The following DRC8 variants were observed in gnomAD, a reference collection of about 807,000 sequenced individuals.
DRC8 encodes the protein dynein regulatory complex subunit 8.
the DRC8 span, among the ~76,000 whole-genome samples, chr1:245,105,232 T>C: frequency 4.6e-5 from 7 of 152,152 alleles, no homozygotes. Context: ...TTTTTGTCAC[T>C]CCTCATACTC....
the DRC8 span, among the ~76,000 whole-genome samples, chr1:245,005,900 C>T: frequency 6.6e-6 from 1 of 152,064 alleles, no homozygotes; most frequent in African/African-American, 2.4e-5. Context: ...GAGCAATATT[C>T]CAGGCAGGAG....
At chr1:245,031,301 G>A in the DRC8 span, among the ~76,000 whole-genome samples, 2 of 152,036 alleles carry the variant, frequency 1.3e-5, no homozygotes, top group Admixed American at 6.5e-5. Context: ...TAGCTATACT[G>A]TAATTCCCAG....
At chr1:244,979,684 C>T in the DRC8 span, among the ~76,000 whole-genome samples, 587 of 151,768 alleles carry the variant, frequency 3.9e-3, 4 homozygotes, top group African/African-American at 0.014. Flanking sequence ...TCATGTGATC[C>T]GCCCACCTTG....
At chr1:245,071,498 G>A in the DRC8 span, among the ~76,000 whole-genome samples, 2 of 152,204 alleles carry the variant, frequency 1.3e-5, no homozygotes, top group Non-Finnish European at 2.9e-5. Context: ...AATTGTGTCC[G>A]TGTCCATGCT....
chr1:245,035,934 C>G, the DRC8 span, among the ~76,000 whole-genome samples: 43,017 of 151,338 alleles, frequency 0.28, 6,363 homozygotes, highest in Middle Eastern at 0.35. Context: ...ATCGTAAGAC[C>G]CTTAGAAGAA....
the DRC8 span, among the ~76,000 whole-genome samples, chr1:245,019,442 T>C: frequency 6.6e-6 from 1 of 152,178 alleles, no homozygotes; most frequent in South Asian, 2.1e-4. Context: ...GGCTAGATTA[T>C]AGTGGCTTGA....
chr1:244,972,838 A>G, the DRC8 span, among the ~76,000 whole-genome samples: 1 of 151,884 alleles, frequency 6.6e-6, no homozygotes, highest in Non-Finnish European at 1.5e-5. Flanking sequence ...AAACAAAAAC[A>G]AAAAACAAAG....
At chr1:244,982,679 G>C in the DRC8 span, among the ~76,000 whole-genome samples, 1 of 152,084 alleles carries the variant, frequency 6.6e-6, no homozygotes, top group African/African-American at 2.4e-5. Context: ...TGCAAAGAGA[G>C]AAAAGAATGA....
the DRC8 span, among the ~76,000 whole-genome samples, chr1:244,998,913 A>G: frequency 6.6e-6 from 1 of 152,156 alleles, no homozygotes; most frequent in Non-Finnish European, 1.5e-5. Flanking sequence ...AGTATAGGTC[A>G]CATGCCTATT....
chr1:244,996,695 C>T, the DRC8 span, among the ~76,000 whole-genome samples: 2 of 152,152 alleles, frequency 1.3e-5, no homozygotes, highest in African/African-American at 4.8e-5. Context: ...GGAGCCTAGG[C>T]CTTAGGTAAA....
At chr1:245,116,433 G>T in the DRC8 span, among the ~76,000 whole-genome samples, 1 of 152,070 alleles carries the variant, frequency 6.6e-6, no homozygotes, top group African/African-American at 2.4e-5. Flanking sequence ...GGCTTGAGGA[G>T]TCTAGAAATT....
the DRC8 span, among the ~76,000 whole-genome samples, chr1:245,084,058 T>TCCCCC: frequency 3.3e-5 from 1 of 30,072 alleles, no homozygotes; most frequent in African/African-American, 8.6e-5. Context: ...AATATAAAAA[T>TCCCCC]TCCGCCCCCC....
At chr1:245,088,463 G>A in the DRC8 span, among the ~76,000 whole-genome samples, 3 of 152,110 alleles carry the variant, frequency 2.0e-5, no homozygotes, top group East Asian at 1.9e-4. The surrounding 1 kb of genome is among the most constrained non-coding windows in gnomAD (Gnocchi z 4.6). Context: ...CAAAAGAGGC[G>A]GCTGCTACCC....
chr1:244,998,741 A>G, the DRC8 span, among the ~76,000 whole-genome samples: 2 of 152,196 alleles, frequency 1.3e-5, no homozygotes, highest in Non-Finnish European at 2.9e-5. Context: ...CATATACCCC[A>G]GCTAATGCCA....
At chr1:245,017,111 A>T in the DRC8 span, 1 of 868,832 alleles carries the variant, frequency 1.2e-6, no homozygotes, top group Non-Finnish European at 1.7e-6. Flanking sequence ...AAACATGCTA[A>T]ATGATACATA....
the DRC8 span, among the ~76,000 whole-genome samples, chr1:245,053,592 A>G: frequency 6.6e-6 from 1 of 152,242 alleles, no homozygotes; most frequent in Non-Finnish European, 1.5e-5. Context: ...TTCTTGAGGA[A>G]GCCGTGGTAT....
the DRC8 span, among the ~76,000 whole-genome samples, chr1:245,118,795 A>AAAAAGAAAAAAGAAAAG: frequency 7.2e-6 from 1 of 138,484 alleles, no homozygotes; most frequent in Admixed American, 7.9e-5. Context: ...GCCATCTCAA[A>AAAAAGAAAAAAGAAAAG]AAAAGAAAAG....
the DRC8 span, among the ~76,000 whole-genome samples, chr1:245,102,504 C>T: frequency 0.026 from 3,888 of 152,278 alleles, 172 homozygotes; most frequent in African/African-American, 0.083. Flanking sequence ...CATGCACTAG[C>T]ACTCCTGGCT....
the DRC8 span, among the ~76,000 whole-genome samples, chr1:245,054,001 C>T: frequency 6.6e-6 from 1 of 152,098 alleles, no homozygotes; most frequent in Non-Finnish European, 1.5e-5. Context: ...GAACAACGCC[C>T]GCATCAGCCT....
Sources: allele counts gnomAD v4.1 joint callset (sites outside exome capture counted in the v4.1 genomes callset), GRCh38; gene constraint gnomAD v4.1.1; non-coding constraint Gnocchi (gnomAD v3.1); transcripts MANE v1.5; gene names NCBI Gene and HGNC (gene_info 2026-07-23, HGNC 2026-07-21).